The following SLC3A1 variants were observed in gnomAD, a reference collection of about 807,000 sequenced individuals.
SLC3A1 encodes amino acid transporter heavy chain SLC3A1.
A neutral mutation model predicts 60.3 loss-of-function variants in SLC3A1; 78 were observed. The ratio of observed to expected loss-of-function variants is 1.29; its 90% CI spans 1.08 to 1.56. SLC3A1 has a LOEUF of 1.56. Among genes scored for constraint, SLC3A1 ranks in the 40% most tolerant of loss-of-function variants. The probability of loss-of-function intolerance (pLI) is 0.00; values close to 1 mark genes in which losing one functional copy is unlikely to be tolerated. For synonymous variants in SLC3A1, 392 were observed against 307.9 expected (o/e 1.27, Z -2.86); for missense variants, 1,172 against 858.9 (o/e 1.36, Z -4.56).
chr2:44,312,356 TA>T (rs1277735234), intron 7 of SLC3A1, among the ~76,000 whole-genome samples: 1 of 152,160 alleles, frequency 6.6e-6, no homozygotes, highest in Non-Finnish European at 1.5e-5. Context: ...TTATTTGCAA[TA>T]TCATTGTACA....
At chr2:44,281,876 T>C (rs947451002) in intron 3 of SLC3A1, among the ~76,000 whole-genome samples, 14 of 152,138 alleles carry the variant, frequency 9.2e-5, no homozygotes, top group African/African-American at 2.9e-4. Flanking sequence ...CATACCCCTT[T>C]GCATTTTTTT....
At chr2:44,283,289 T>C (rs1214378140) in intron 3 of SLC3A1, among the ~76,000 whole-genome samples, 2 of 152,248 alleles carry the variant, frequency 1.3e-5, no homozygotes, top group African/African-American at 4.8e-5. Context: ...GGTACTACCA[T>C]GCAGCCTGAG....
At chr2:44,295,769 A>G (rs543954982) in intron 4 of SLC3A1, among the ~76,000 whole-genome samples, 1 of 152,222 alleles carries the variant, frequency 6.6e-6, no homozygotes, top group Non-Finnish European at 1.5e-5. Flanking sequence ...ATCAGTGCCC[A>G]AAAGCTTGAT....
At chr2:44,309,072 CATA>C (rs1672226869) in intron 7 of SLC3A1, among the ~76,000 whole-genome samples, 1 of 152,132 alleles carries the variant, frequency 6.6e-6, no homozygotes, top group Non-Finnish European at 1.5e-5. Context: ...GCAAAATATA[CATA>C]AAACAATTTT....
At chr2:44,313,350 C>T (rs1315038013) in intron 8 of SLC3A1, among the ~76,000 whole-genome samples, 1 of 152,128 alleles carries the variant, frequency 6.6e-6, no homozygotes, top group Admixed American at 6.6e-5. Context: ...GATCCAATTT[C>T]CCTAATATTT....
In SLC3A1 at chr2:44,300,219, A is replaced by C. The variant is rs973452238; in HGVS notation, c.1011+129A>C. On this transcript the variant is annotated intron_variant, in intron 5 of 9. Transcript: ENST00000260649. ...CTGTGTCTAGCAAGTACCCTGATTT[A>C]TTTCTTTAGGAAATGTGCAAGAGTT... The C allele has an allele frequency of 8.6e-6, 8 of 930,054 alleles. No homozygotes were observed. In the Middle Eastern group the frequency reaches 7.5e-4, roughly 87 times the overall value. The allele number at this position is 930,054 out of a possible 1,614,324, so 57.6% of individuals were successfully genotyped here. A position where few individuals can be genotyped will look rare whatever the true frequency, so the allele number is the denominator to read the frequency against.
intron 4 of SLC3A1, among the ~76,000 whole-genome samples, chr2:44,294,029 T>G (rs2104353455): frequency 6.6e-6 from 1 of 152,186 alleles, no homozygotes; most frequent in South Asian, 2.1e-4. Context: ...TATTGTGAAG[T>G]GCAATGTCGA....
intron 9 of SLC3A1, chr2:44,319,241 T>C (rs1672709964): frequency 6.6e-6 from 1 of 152,570 alleles, no homozygotes; most frequent in Admixed American, 6.6e-5. Context: ...CCAGTAAACA[T>C]GGCTGGCAAG....
At chr2:44,281,638 A>G (rs2104335669) in intron 3 of SLC3A1, 97 bp downstream of exon 3, 2 of 1,180,034 alleles carry the variant, frequency 1.7e-6, no homozygotes, top group Middle Eastern at 3.9e-4. Flanking sequence ...AAATGAATGA[A>G]TATAGTTTAT....
At chr2:44,278,335 C>A (rs1320908526) in intron 1 of SLC3A1, among the ~76,000 whole-genome samples, 1 of 152,026 alleles carries the variant, frequency 6.6e-6, no homozygotes, top group African/African-American at 2.4e-5. Flanking sequence ...GTATTCCCAG[C>A]TATTTGGGTG....
intron 4 of SLC3A1, among the ~76,000 whole-genome samples, chr2:44,288,362 C>G (rs1181216980): frequency 6.6e-6 from 1 of 151,972 alleles, no homozygotes; most frequent in Non-Finnish European, 1.5e-5. Flanking sequence ...AAAAAGAAAC[C>G]CCATATCCAT....
rs759732153 is a variant in SLC3A1, at chr2:44,320,416, C to T, written c.1835C>T (p.Ser612Leu). The T allele has an allele frequency of 8.7e-6, 14 of 1,613,862 alleles. No homozygotes were observed. In the Admixed American group the frequency reaches 1.2e-4, roughly 13 times the overall value. Residue 612 changes from serine (S) to leucine (L), a missense_variant, in exon 10 of 10, where the codon TCG becomes TTG. Coordinates refer to ENST00000260649, the MANE Select transcript of SLC3A1 (RefSeq NM_000341.4). ...CTGTTAAATCTACATAATATGATTT[C>T]GGGCCTTCCCGCTAAAATGAGAATA... ...STLLNLHNMI[S>L]GLPAKMRIRL...
rs1572815673 is a variant in SLC3A1, at chr2:44,312,885, TCTTA to T, written c.1500+135_1500+138del. The T allele has an allele frequency of 1.9e-5, 14 of 753,550 alleles. No homozygotes were observed. The East Asian group carries it at 3.5e-4, about 19-fold the overall frequency. 46.7% of individuals were successfully genotyped at this position (753,550 alleles called of 1,614,324 possible). A position where few individuals can be genotyped will look rare whatever the true frequency, so the allele number is the denominator to read the frequency against. ...AAATCATGGTTACTTTGCTTTTCTT[TCTTA>T]CTGTTAGTAAGAATTCTCAGCTTTC... On this transcript the variant is annotated intron_variant, in intron 8 of 9. Transcript: ENST00000260649.
At chr2:44,295,255 T>A (rs182704026) in intron 4 of SLC3A1, among the ~76,000 whole-genome samples, 117 of 152,236 alleles carry the variant, frequency 7.7e-4, no homozygotes, top group African/African-American at 2.7e-3. Flanking sequence ...GAGAAAGGAG[T>A]TAAAAGGTGC....
At chr2:44,319,791 C>G (rs1347178852) in intron 9 of SLC3A1, 1 of 178,592 alleles carries the variant, frequency 5.6e-6, no homozygotes. Flanking sequence ...GGGAACAAAC[C>G]CAAATTCCTC....
intron 4 of SLC3A1, among the ~76,000 whole-genome samples, chr2:44,298,245 T>C (rs945739917): frequency 1.3e-5 from 2 of 152,158 alleles, no homozygotes; most frequent in South Asian, 4.1e-4. Flanking sequence ...TCCAGGGGTT[T>C]CCCATCACCC....
intron 3 of SLC3A1, 89 bp downstream of exon 3, chr2:44,281,630 A>G: frequency 1.6e-6 from 2 of 1,228,018 alleles, no homozygotes; most frequent in Non-Finnish European, 2.4e-6. Context: ...TGAGGGAAAA[A>G]TGAATGAATA....
At chr2:44,304,108 G>T in intron 6 of SLC3A1, 35 bp from the exon 7 acceptor site, 1 of 1,565,034 alleles carries the variant, frequency 6.4e-7, no homozygotes, top group Non-Finnish European at 8.8e-7. Context: ...CTTCTGACAG[G>T]CCCCGATGAC....
chr2:44,311,302 C>A (rs551621492), intron 7 of SLC3A1, among the ~76,000 whole-genome samples: 1 of 152,234 alleles, frequency 6.6e-6, no homozygotes, highest in Admixed American at 6.5e-5. Flanking sequence ...ATTCTTCAGG[C>A]ACAGGTTTTT....
Sources: gnomAD v4.1 joint callset for allele counts (sites outside exome capture counted in the v4.1 genomes callset) on GRCh38, gnomAD v4.1.1 for gene constraint, MANE v1.5 for transcripts, NCBI Gene and HGNC (gene_info 2026-07-23, HGNC 2026-07-21) for gene names.